Variants in ST3GAL4 observed in about 807,000 individuals in gnomAD.
ST3GAL4 encodes the protein ST3 beta-galactoside alpha-2,3-sialyltransferase 4.
ST3GAL4 carries 24 observed loss-of-function variants against 42.6 expected under a neutral mutation model. The observed-to-expected ratio is 0.56, with a 90% CI of 0.41 to 0.79. The LOEUF is 0.79. Among genes scored for constraint, ST3GAL4 ranks in the 30% least tolerant of loss-of-function variants. The pLI, the probability that ST3GAL4 is intolerant of heterozygous loss-of-function variation, is 0.00. For synonymous variants in ST3GAL4, 135 were observed against 163.2 expected, an observed-to-expected ratio of 0.83 and a Z score of 1.32; for missense variants, 311 against 430.8, an observed-to-expected ratio of 0.72 and a Z score of 2.46.
At chr11:126,362,975 T>C (rs933716965) in intron 1 of ST3GAL4, among the ~76,000 whole-genome samples, 1 of 152,202 alleles carries the variant, frequency 6.6e-6, no homozygotes, top group African/African-American at 2.4e-5. Context: ...GGAGTAACCC[T>C]TCTCTCTCTG....
Position 126,409,534 on chromosome 11 carries a change from C to A in ST3GAL4, c.771+123C>A. The A allele has an allele frequency of 1.5e-6, 2 of 1,322,606 alleles. No homozygotes were observed. The highest frequency in any genetic ancestry group is 1.1e-6 in the Non-Finnish European group (1 of 951,992). The allele number at this position is 1,322,606 out of a possible 1,614,324, so 81.9% of individuals were successfully genotyped here. A position where few individuals can be genotyped will look rare whatever the true frequency, so the allele number is the denominator to read the frequency against. ...AGAGGCGGCGGTTTGCATTTTCCCT[C>A]CAGGAACACACCTGTCATTAAAGTT... On this transcript the variant is annotated intron_variant, in intron 9 of 10. Transcript: ENST00000444328. This position sits in a 1 kb window ranked among gnomAD's most constrained non-coding sequence, Gnocchi z 4.9.
chr11:126,387,884 G>A (rs11220465), intron 1 of ST3GAL4, among the ~76,000 whole-genome samples: 29,197 of 152,100 alleles, frequency 0.19, 3,239 homozygotes, highest in East Asian at 0.44. Flanking sequence ...TATGGATATC[G>A]TTGTTTTCAC....
At chr11:126,357,391 GA>G (rs1003192327) in intron 1 of ST3GAL4, among the ~76,000 whole-genome samples, 4 of 152,328 alleles carry the variant, frequency 2.6e-5, no homozygotes, top group African/African-American at 9.6e-5. Context: ...GAGTGAATTG[GA>G]AATTGCCAGC....
intron 1 of ST3GAL4, among the ~76,000 whole-genome samples, chr11:126,364,451 T>C (rs375459089): frequency 0.04 from 5,505 of 139,084 alleles, 310 homozygotes; most frequent in African/African-American, 0.14. Flanking sequence ...AGCCACCGAC[T>C]TCTGCTTGTG....
At position 126,384,010 on chromosome 11, in the gene ST3GAL4, G is replaced by A. The variant is rs1476178377; in HGVS notation, c.-60-22086G>A. The stretch of plus-strand genomic sequence containing the variant: ...ATCTTTGCCGAGTCCTCGTCTGGGG[G>A]CCCTGCCCCACTCTCCCTTCCCAAT... On this transcript the variant is annotated intron_variant, in intron 1 of 10. Coordinates refer to ENST00000444328, the MANE Select transcript of ST3GAL4 (RefSeq NM_001254757.2). This position sits in a 1 kb window ranked among gnomAD's most constrained non-coding sequence, Gnocchi z 5.5. Among the ~76,000 whole-genome samples, 1 of 152,200 alleles carries A rather than the reference G, an allele frequency of 6.6e-6. No individual in the cohort carries two copies. The highest frequency in any genetic ancestry group is 6.5e-5 in the Admixed American group (1 of 15,282).
In ST3GAL4 at chr11:126,409,417, G is replaced by T; in HGVS notation, c.771+6G>T. The T allele has an allele frequency of 6.2e-7, 1 of 1,614,226 alleles. No homozygotes were observed. Among genetic ancestry groups the T allele is most frequent in the Non-Finnish European group, 8.5e-7 (1 of 1,180,044 alleles). The stretch of plus-strand genomic sequence containing the variant: ...AGCCACGGAAGATTAAGCAGGTGAT[G>T]ATGGGAAGTCAGGCCTGAGGGCTAG... On this transcript the variant is annotated splice_donor_region_variant and intron_variant, in intron 9 of 10. Transcript: ENST00000444328. This position sits in a 1 kb window ranked among gnomAD's most constrained non-coding sequence, Gnocchi z 4.9.
chr11:126,412,431 G>A (rs1470595135), intron 9 of ST3GAL4, among the ~76,000 whole-genome samples: 1 of 152,224 alleles, frequency 6.6e-6, no homozygotes, highest in African/African-American at 2.4e-5. Flanking sequence ...AGCGGAGGAA[G>A]GCGGGGCTGG....
rs552165913 is a variant in ST3GAL4, at chr11:126,383,813, C to T, written c.-60-22283C>T. On this transcript the variant is annotated intron_variant, in intron 1 of 10. Coordinates refer to ENST00000444328, the MANE Select transcript of ST3GAL4 (RefSeq NM_001254757.2). The surrounding 1 kb of genome is among the most constrained non-coding windows in gnomAD (Gnocchi z 4.5). ...TACTGCGCAGAGCCTGGGCCCTGGACACCTAGAAGGGCCCCTCCTCCCCTC... is the reference window on the plus strand; with the variant it reads ...TACTGCGCAGAGCCTGGGCCCTGGATACCTAGAAGGGCCCCTCCTCCCCTC... Among the ~76,000 whole-genome samples the T allele has an allele frequency of 2.6e-5, 4 of 152,302 alleles. No individual in the cohort carries two copies. Among genetic ancestry groups the T allele is most frequent in the African/African-American group, 9.6e-5 (4 of 41,564 alleles).
chr11:126,384,146 C>T lies in ST3GAL4; in HGVS notation c.-60-21950C>T, dbSNP rs1953125031. Among the ~76,000 whole-genome samples, 3 of 152,220 alleles carry T rather than the reference C, an allele frequency of 2.0e-5. No homozygotes were observed. Among genetic ancestry groups the T allele is most frequent in the Non-Finnish European group, 4.4e-5 (3 of 68,040 alleles). ...GATTTCAGGTGTGGACCCTTGGACC[C>T]TCCGCTGCACAGTTCCAGAAACTTG... On this transcript the variant is annotated intron_variant, in intron 1 of 10. Coordinates refer to ENST00000444328, the MANE Select transcript of ST3GAL4 (RefSeq NM_001254757.2). This position sits in a 1 kb window ranked among gnomAD's most constrained non-coding sequence, Gnocchi z 5.5.
Position 126,391,423 on chromosome 11 carries a change from G to A in ST3GAL4, c.-60-14673G>A, listed in dbSNP as rs1038802673. 1.3e-5 allele frequency among the ~76,000 whole-genome samples: 2 copies of A among 152,140 alleles called. No homozygotes were observed. The highest frequency in any genetic ancestry group is 4.8e-5 in the African/African-American group (2 of 41,424). On this transcript the variant is annotated intron_variant, in intron 1 of 10. Coordinates refer to ENST00000444328, the MANE Select transcript of ST3GAL4 (RefSeq NM_001254757.2). This position sits in a 1 kb window ranked among gnomAD's most constrained non-coding sequence, Gnocchi z 5.5. ...TTCTGAAAAGGTCTGTTCTGGAGTG[G>A]GGGTGCTGTTTCGGAGAGCGATGAA...
At position 126,410,210 on chromosome 11, in the gene ST3GAL4, A is replaced by G. The variant is rs1370972182; in HGVS notation, c.771+799A>G. 2.0e-5 allele frequency among the ~76,000 whole-genome samples: 3 copies of G among 152,196 alleles called. No homozygotes were observed. The highest frequency in any genetic ancestry group is 4.4e-5 in the Non-Finnish European group (3 of 68,028). On this transcript the variant is annotated intron_variant, in intron 9 of 10. Transcript: ENST00000444328. This position sits in a 1 kb window ranked among gnomAD's most constrained non-coding sequence, Gnocchi z 5.3. ...GTGTAAGGCACTGTGTCTGACCACA[A>G]GTTATGTGTTATGTGTTTCTTCTTT... is the stretch of plus-strand genomic sequence containing the variant.
chr11:126,366,072 C>T lies in ST3GAL4; in HGVS notation c.-61+10230C>T, dbSNP rs578085761. 6.6e-6 allele frequency among the ~76,000 whole-genome samples: 1 copy of T among 152,312 alleles called. No homozygotes were observed. The highest frequency in any genetic ancestry group is 2.4e-5 in the African/African-American group (1 of 41,568). ...GAGCCCAGGATTCCCCTTTCCGTGACTTTGGAGGAACGAGGTTCCTGAGGG... is the reference window on the plus strand; with the variant it reads ...GAGCCCAGGATTCCCCTTTCCGTGATTTTGGAGGAACGAGGTTCCTGAGGG... On this transcript the variant is annotated intron_variant, in intron 1 of 10. Coordinates refer to ENST00000444328, the MANE Select transcript of ST3GAL4 (RefSeq NM_001254757.2). The surrounding 1 kb of genome is among the most constrained non-coding windows in gnomAD (Gnocchi z 4.2).
rs972833120 is a variant in ST3GAL4, at chr11:126,378,608, C to T, written c.-61+22766C>T. The stretch of plus-strand genomic sequence containing the variant: ...ATTTTTAGTAGAGACAGGGTTTCAC[C>T]GTGTTAGCCAGGATGGTCTCGATCT... On this transcript the variant is annotated intron_variant, in intron 1 of 10. Coordinates refer to ENST00000444328, the MANE Select transcript of ST3GAL4 (RefSeq NM_001254757.2). This position sits in a 1 kb window ranked among gnomAD's most constrained non-coding sequence, Gnocchi z 5.3. 1.7e-4 allele frequency among the ~76,000 whole-genome samples: 26 copies of T among 152,264 alleles called. No individual in the cohort carries two copies. The highest frequency in any genetic ancestry group is 5.8e-4 in the African/African-American group (24 of 41,562).
In ST3GAL4 at chr11:126,373,961, C is replaced by T. The variant is rs911200662; in HGVS notation, c.-61+18119C>T. On this transcript the variant is annotated intron_variant, in intron 1 of 10. Coordinates refer to ENST00000444328, the MANE Select transcript of ST3GAL4 (RefSeq NM_001254757.2). This position sits in a 1 kb window ranked among gnomAD's most constrained non-coding sequence, Gnocchi z 5.5. ...CCACTCTGTTCCACCTGCACTGGAG[C>T]GATGCTATCCGATGAACAGATCCAT... Among the ~76,000 whole-genome samples, 4 of 152,094 alleles carry T rather than the reference C, an allele frequency of 2.6e-5. No homozygotes were observed. The highest frequency in any genetic ancestry group is 9.7e-5 in the African/African-American group (4 of 41,408).
rs891853572 is a variant in ST3GAL4 at position 126,359,370 on chromosome 11, C to A, written c.-61+3528C>A. Among the ~76,000 whole-genome samples the A allele has an allele frequency of 1.3e-5, 2 of 151,964 alleles. No homozygotes were observed. Among genetic ancestry groups the A allele is most frequent in the Admixed American group, 6.6e-5 (1 of 15,246 alleles). ...GCTTCACACAACCCTGTAATTAAGCCCATTTATAAATGAAGAAATGGAGGA... is the reference window on the plus strand; with the variant it reads ...GCTTCACACAACCCTGTAATTAAGCACATTTATAAATGAAGAAATGGAGGA... On this transcript the variant is annotated intron_variant, in intron 1 of 10. Coordinates refer to ENST00000444328, the MANE Select transcript of ST3GAL4 (RefSeq NM_001254757.2). This position sits in a 1 kb window ranked among gnomAD's most constrained non-coding sequence, Gnocchi z 4.8.
At chr11:126,364,449 A>T (rs995168742) in intron 1 of ST3GAL4, among the ~76,000 whole-genome samples, 1 of 138,856 alleles carries the variant, frequency 7.2e-6, no homozygotes, top group Non-Finnish European at 1.5e-5. Flanking sequence ...CCAGCCACCG[A>T]CTTCTGCTTG....
At chr11:126,382,160 C>CCTG (rs1273781878) in intron 1 of ST3GAL4, among the ~76,000 whole-genome samples, 1 of 150,624 alleles carries the variant, frequency 6.6e-6, no homozygotes, top group Admixed American at 6.6e-5. Flanking sequence ...GACTGGCAGC[C>CCTG]CTGCAGGGTC....
intron 1 of ST3GAL4, among the ~76,000 whole-genome samples, chr11:126,401,973 A>G (rs1239105869): frequency 2.0e-5 from 3 of 151,870 alleles, no homozygotes; most frequent in Non-Finnish European, 4.4e-5. Flanking sequence ...GAGCATGTTT[A>G]TAAGTCAGAG....
chr11:126,407,401 C>G, intron 5 of ST3GAL4, 52 bp downstream of exon 5: 1 of 1,592,060 alleles, frequency 6.3e-7, no homozygotes, highest in Non-Finnish European at 8.6e-7. Context: ...GACCACGTTG[C>G]TTCCTATTCT....
Sources: gnomAD v4.1 joint callset for allele counts (sites outside exome capture counted in the v4.1 genomes callset) on GRCh38, gnomAD v4.1.1 for gene constraint, Gnocchi (gnomAD v3.1) non-coding constraint, MANE v1.5 for transcripts, NCBI Gene and HGNC (gene_info 2026-07-23, HGNC 2026-07-21) for gene names.